TMEM87A: variants seen among roughly 807,000 people sequenced by gnomAD.
TMEM87A encodes the protein Golgi-pH regulating cation channel.
In TMEM87A, 50 loss-of-function variants were observed where a neutral mutation model predicts 90.0. The observed-to-expected ratio is 0.56, with a 90% CI of 0.44 to 0.70. The LOEUF (loss-of-function observed/expected upper bound fraction) is 0.70, where lower values mean the gene tolerates loss of function less well. Ranked by LOEUF, TMEM87A falls within the 30% of genes least tolerant of loss-of-function variation. The pLI, the probability that TMEM87A is intolerant of heterozygous loss-of-function variation, is 0.00. For missense variants in TMEM87A, 577 were observed against 660.5 expected (o/e 0.87, Z 1.39); for synonymous variants, 226 against 226.7 (o/e 1.00, Z 0.03).
intron 18 of TMEM87A, 29 bp from the exon 19 acceptor site, chr15:42,217,862 A>T: frequency 6.2e-7 from 1 of 1,607,844 alleles, no homozygotes; most frequent in Non-Finnish European, 8.5e-7. Flanking sequence ...ACTAAATTGA[A>T]CAATGTAAAA....
chr15:42,266,245 A>G (rs1312574545), intron 3 of TMEM87A, among the ~76,000 whole-genome samples: 1 of 152,332 alleles, frequency 6.6e-6, no homozygotes, highest in East Asian at 1.9e-4. Flanking sequence ...GCTGGGCACA[A>G]TGGCTCACGC....
chr15:42,224,048 A>T (rs2050544966), intron 15 of TMEM87A, among the ~76,000 whole-genome samples: 1 of 152,176 alleles, frequency 6.6e-6, no homozygotes, highest in Non-Finnish European at 1.5e-5. Flanking sequence ...TGAGAACCTA[A>T]CCTTCATTGA....
chr15:42,262,230 C>T (rs1184582977), intron 4 of TMEM87A: 1 of 152,182 alleles, frequency 6.6e-6, no homozygotes, highest in Admixed American at 6.5e-5. Context: ...AAAAGACCAA[C>T]CAATCCTCCT....
intron 6 of TMEM87A, among the ~76,000 whole-genome samples, chr15:42,249,083 T>C (rs1026737235): frequency 6.6e-6 from 1 of 152,260 alleles, no homozygotes; most frequent in Admixed American, 6.5e-5. Flanking sequence ...GAGATGTTTA[T>C]AGTATTCTCT....
chr15:42,266,661 T>A (rs949575275), intron 3 of TMEM87A, among the ~76,000 whole-genome samples: 2 of 152,314 alleles, frequency 1.3e-5, no homozygotes, highest in East Asian at 3.9e-4. Flanking sequence ...ATATTCTTCA[T>A]AGTCACAAAC....
At chr15:42,243,952 A>C (rs2050921717) in intron 7 of TMEM87A, 98 bp downstream of exon 7, 2 of 638,690 alleles carry the variant, frequency 3.1e-6, no homozygotes, top group Admixed American at 3.3e-5. Flanking sequence ...GGAAATAGAA[A>C]TCTGATACCT....
chr15:42,265,211 T>C (rs1213540610), intron 3 of TMEM87A, among the ~76,000 whole-genome samples: 4 of 152,196 alleles, frequency 2.6e-5, no homozygotes, highest in African/African-American at 7.2e-5. Context: ...TTATATTACT[T>C]TGGATATATA....
intron 2 of TMEM87A, among the ~76,000 whole-genome samples, chr15:42,269,194 C>T (rs758370640): frequency 6.6e-6 from 1 of 151,884 alleles, no homozygotes; most frequent in Non-Finnish European, 1.5e-5. Context: ...AGTCAGTATT[C>T]GCTTTTATCT....
At chr15:42,222,762 G>T (rs1305286519) in intron 15 of TMEM87A, among the ~76,000 whole-genome samples, 1 of 151,808 alleles carries the variant, frequency 6.6e-6, no homozygotes, top group Non-Finnish European at 1.5e-5. Context: ...GTTTCATCAT[G>T]TTGGTCCGGC....
In TMEM87A at chr15:42,272,203, A is replaced by ATAGTT; in HGVS notation, c.145-81_145-80insAACTA. 5.8e-6 allele frequency: 6 copies of ATAGTT among 1,030,556 alleles called. No individual in the cohort carries two copies. In the Admixed American group the frequency reaches 1.2e-4, roughly 21 times the overall value. The allele number at this position is 1,030,556 out of a possible 1,614,324, so 63.8% of individuals were successfully genotyped here. On this transcript the variant is annotated intron_variant, in intron 1 of 19. Transcript: ENST00000389834. The stretch of plus-strand genomic sequence containing the variant: ...TCATATAACTATCTAAGACTGCTAG[A>ATAGTT]AATTCCAACTTAACTTAAATCTTTA...
intron 6 of TMEM87A, among the ~76,000 whole-genome samples, chr15:42,250,295 T>C (rs1393134821): frequency 6.6e-6 from 1 of 152,228 alleles, no homozygotes; most frequent in Non-Finnish European, 1.5e-5. Context: ...ATGTGTGAAT[T>C]TGATCCTGTC....
Position 42,219,571 on chromosome 15 carries a change from T to C in TMEM87A, c.1539+10A>G. On this transcript the variant is annotated intron_variant, in intron 17 of 19. Coordinates refer to ENST00000389834, the MANE Select transcript of TMEM87A (RefSeq NM_015497.5). ...CAAAGAACAAAGACAAATGGAAAAG[T>C]CATACTTACTGCTTTGTTAACTTTA... The C allele has an allele frequency of 6.3e-7, 1 of 1,590,288 alleles. No homozygotes were observed. Among genetic ancestry groups the C allele is most frequent in the Non-Finnish European group, 8.6e-7 (1 of 1,166,286 alleles).
intron 3 of TMEM87A, 63 bp downstream of exon 3, chr15:42,267,884 T>TA (rs1365273031): frequency 7.5e-7 from 1 of 1,332,212 alleles, no homozygotes; most frequent in Non-Finnish European, 1.1e-6. Flanking sequence ...TCTATGAAAT[T>TA]AAGAGACTGG....
intron 6 of TMEM87A, chr15:42,259,100 A>G: frequency 1.5e-6 from 1 of 662,600 alleles, no homozygotes; most frequent in Non-Finnish European, 2.7e-6. Flanking sequence ...TGATAAAAAC[A>G]ACAGCTTAGC....
At chr15:42,240,043 G>C (rs1429241420) in intron 7 of TMEM87A, among the ~76,000 whole-genome samples, 1 of 152,106 alleles carries the variant, frequency 6.6e-6, no homozygotes, top group African/African-American at 2.4e-5. Context: ...GCCTTCTCTG[G>C]CTGCCCATCT....
At chr15:42,242,556 G>A (rs2050891541) in intron 7 of TMEM87A, among the ~76,000 whole-genome samples, 1 of 151,430 alleles carries the variant, frequency 6.6e-6, no homozygotes, top group African/African-American at 2.4e-5. Flanking sequence ...AGGGAGGGAG[G>A]AGAGGAAGAG....
intron 12 of TMEM87A, among the ~76,000 whole-genome samples, chr15:42,230,300 C>A (rs924657675): frequency 2.6e-5 from 4 of 152,198 alleles, no homozygotes; most frequent in African/African-American, 9.6e-5. Flanking sequence ...AGATACTAAT[C>A]TAGAAAAGCT....
intron 7 of TMEM87A, among the ~76,000 whole-genome samples, chr15:42,243,797 G>C (rs547905489): frequency 2.8e-4 from 42 of 152,196 alleles, no homozygotes; most frequent in South Asian, 2.5e-3. Context: ...TAGGATTACA[G>C]GCATGAGCCA....
chr15:42,212,758 C>T (rs1356301211), intron 19 of TMEM87A, among the ~76,000 whole-genome samples: 1 of 152,188 alleles, frequency 6.6e-6, no homozygotes, highest in Admixed American at 6.5e-5. Flanking sequence ...TGATTTTCCT[C>T]AGAATTCAAA....
Sources: gnomAD v4.1 joint callset for allele counts (sites outside exome capture counted in the v4.1 genomes callset) on GRCh38, gnomAD v4.1.1 for gene constraint, MANE v1.5 for transcripts, NCBI Gene and HGNC (gene_info 2026-07-23, HGNC 2026-07-21) for gene names.